SETD7: variants seen among roughly 807,000 people sequenced by gnomAD.
SETD7 encodes histone-lysine N-methyltransferase SETD7.
Under a neutral mutation model 41.8 loss-of-function variants are expected in SETD7, and 16 were observed. The ratio of observed to expected loss-of-function variants is 0.38; its 90% CI spans 0.26 to 0.58. The LOEUF is 0.58. SETD7 is among the 20% of genes least tolerant of loss of function. The pLI, the probability that SETD7 is intolerant of heterozygous loss-of-function variation, is 0.64. For missense variants in SETD7, 346 were observed against 459.7 expected, an observed-to-expected ratio of 0.75 and a Z score of 2.26; for synonymous variants, 163 against 169.7, an observed-to-expected ratio of 0.96 and a Z score of 0.31.
intron 7 of SETD7, among the ~76,000 whole-genome samples, chr4:139,497,596 T>C (rs1726487661): frequency 6.7e-6 from 1 of 150,198 alleles, no homozygotes; most frequent in Non-Finnish European, 1.5e-5. Context: ...TTTGTTTTTT[T>C]GTTTTTTTTT....
At chr4:139,551,146 A>G (rs949840069) in intron 1 of SETD7, among the ~76,000 whole-genome samples, 2 of 152,352 alleles carry the variant, frequency 1.3e-5, no homozygotes, top group African/African-American at 4.8e-5. Flanking sequence ...GCAAAGTCCT[A>G]TCTCTTCCAA....
intron 2 of SETD7, among the ~76,000 whole-genome samples, chr4:139,534,054 G>T (rs1418715349): frequency 6.6e-6 from 1 of 152,034 alleles, no homozygotes; most frequent in East Asian, 1.9e-4. Context: ...AAGACTGAAT[G>T]CTCCACCCTG....
At position 139,555,932 on chromosome 4, in the gene SETD7, G is replaced by GC. The variant is rs1365981844; in HGVS notation, c.40+165dup. 6.6e-6 allele frequency among the ~76,000 whole-genome samples: 1 copy of GC among 151,946 alleles called. No individual in the cohort carries two copies. The highest frequency in any genetic ancestry group is 2.4e-5 in the African/African-American group (1 of 41,416). The stretch of plus-strand genomic sequence containing the variant: ...CGCCGCGCAGTGCGCGCTCCCGGCG[G>GC]CGTGACCGTGGCTGTCGGGCCCCCG... On this transcript the variant is annotated intron_variant, in intron 1 of 7. Transcript: ENST00000274031. This position sits in a 1 kb window ranked among gnomAD's most constrained non-coding sequence, Gnocchi z 4.0.
Position 139,555,991 on chromosome 4 carries a change from A to T in SETD7, c.40+107T>A. 1 of 1,174,834 alleles carries T rather than the reference A, an allele frequency of 8.5e-7. No homozygotes were observed. Among genetic ancestry groups the T allele is most frequent in the South Asian group, 1.6e-5 (1 of 61,360 alleles). The allele number at this position is 1,174,834 out of a possible 1,614,324, so 72.8% of individuals were successfully genotyped here. A position where few individuals can be genotyped will look rare whatever the true frequency, so the allele number is the denominator to read the frequency against. On this transcript the variant is annotated intron_variant, in intron 1 of 7. Transcript: ENST00000274031. This position sits in a 1 kb window ranked among gnomAD's most constrained non-coding sequence, Gnocchi z 4.0. ...GGGCAACCGGCCACCCGTGTAGGGG[A>T]CAGTGGCGGCCGCGGGGCCCGGCGC...
At chr4:139,517,213 G>A (rs1236013392) in intron 7 of SETD7, among the ~76,000 whole-genome samples, 1 of 151,950 alleles carries the variant, frequency 6.6e-6, no homozygotes, top group African/African-American at 2.4e-5. Flanking sequence ...GGTGGCTCAC[G>A]CCTGTAATCC....
chr4:139,543,907 T>A (rs1267957893), intron 2 of SETD7, among the ~76,000 whole-genome samples: 1 of 151,706 alleles, frequency 6.6e-6, no homozygotes, highest in African/African-American at 2.4e-5. Flanking sequence ...GAGCTTGCAG[T>A]GAGCCGAGAT....
intron 7 of SETD7, among the ~76,000 whole-genome samples, chr4:139,498,343 A>G (rs1334613306): frequency 6.6e-6 from 1 of 152,088 alleles, no homozygotes; most frequent in Non-Finnish European, 1.5e-5. Flanking sequence ...CCAAGCCACC[A>G]TTACCCCAGG....
chr4:139,526,984 T>C (rs923252260), intron 4 of SETD7, among the ~76,000 whole-genome samples: 1 of 152,252 alleles, frequency 6.6e-6, no homozygotes, highest in Non-Finnish European at 1.5e-5. Flanking sequence ...ATTTCAAATA[T>C]ACGACATGCA....
intron 3 of SETD7, 135 bp downstream of exon 3, chr4:139,533,030 T>C (rs751678874): frequency 1.4e-6 from 1 of 724,988 alleles, no homozygotes. Context: ...GCATGCCTCA[T>C]AAACTCTTGG....
chr4:139,504,580 A>G (rs1726658621), downstream of SETD7, among the ~76,000 whole-genome samples: 1 of 152,212 alleles, frequency 6.6e-6, no homozygotes, highest in Non-Finnish European at 1.5e-5. Flanking sequence ...TTGAAACTAA[A>G]TGAAACTACA....
At chr4:139,549,717 G>A (rs1167337059) in intron 1 of SETD7, among the ~76,000 whole-genome samples, 14 of 152,018 alleles carry the variant, frequency 9.2e-5, no homozygotes, top group Admixed American at 9.2e-4. Context: ...TGATCCTTCT[G>A]CCTCAGCCTC....
intron 5 of SETD7, among the ~76,000 whole-genome samples, chr4:139,520,991 A>G (rs2592980): frequency 0.79 from 119,471 of 152,188 alleles, 47,388 homozygotes; most frequent in East Asian, 0.95. Context: ...AGCCATACCC[A>G]TTTGCTTAGT....
intron 7 of SETD7, among the ~76,000 whole-genome samples, chr4:139,517,628 C>G (rs541262681): frequency 6.6e-6 from 1 of 152,166 alleles, no homozygotes; most frequent in Non-Finnish European, 1.5e-5. Context: ...AAAACAGCAA[C>G]CCCTCGGTGT....
intron 2 of SETD7, among the ~76,000 whole-genome samples, chr4:139,536,864 A>G (rs1334400194): frequency 6.6e-6 from 1 of 152,030 alleles, no homozygotes; most frequent in African/African-American, 2.4e-5. Context: ...TTAGCCGGAC[A>G]TGGTGGCAGG....
chr4:139,512,097 T>A (rs1222938282), intron 7 of SETD7, among the ~76,000 whole-genome samples: 1 of 152,182 alleles, frequency 6.6e-6, no homozygotes, highest in Non-Finnish European at 1.5e-5. Flanking sequence ...ACTGGTGTAT[T>A]AAAGTTTGAA....
intron 6 of SETD7, among the ~76,000 whole-genome samples, chr4:139,519,791 T>C (rs780962283): frequency 2.0e-5 from 3 of 152,174 alleles, no homozygotes; most frequent in Non-Finnish European, 4.4e-5. Context: ...ACAGAAAACA[T>C]ATATGAAGCC....
chr4:139,539,460 G>C (rs1727727115), intron 2 of SETD7, among the ~76,000 whole-genome samples: 1 of 152,196 alleles, frequency 6.6e-6, no homozygotes, highest in Non-Finnish European at 1.5e-5. Context: ...GTTGGAGCAA[G>C]TTTGATGGAG....
chr4:139,520,234 C>T, intron 6 of SETD7, 43 bp downstream of exon 6: 1 of 1,103,652 alleles, frequency 9.1e-7, no homozygotes, highest in Non-Finnish European at 1.3e-6. Flanking sequence ...AAGCAAAGCC[C>T]TTTAACCAAC....
chr4:139,517,838 G>T lies in SETD7; in HGVS notation c.920+47C>A, dbSNP rs777730241. On this transcript the variant is annotated intron_variant, in intron 7 of 7. Coordinates refer to ENST00000274031, the MANE Select transcript of SETD7 (RefSeq NM_030648.4). ...CTTTTTACTGCCCTCCTCCGTCTCA[G>T]GGCCCTGAGGCATAGATCCGCCCCA... The T allele has an allele frequency of 2.6e-6, 4 of 1,566,734 alleles. No individual in the cohort carries two copies. The South Asian group carries it at 4.7e-5, about 18-fold the overall frequency.
Sources: allele counts gnomAD v4.1 joint callset (sites outside exome capture counted in the v4.1 genomes callset), GRCh38; gene constraint gnomAD v4.1.1; non-coding constraint Gnocchi (gnomAD v3.1); transcripts MANE v1.5; gene names NCBI Gene and HGNC (gene_info 2026-07-23, HGNC 2026-07-21).